The following TMTC1 variants were observed in gnomAD, a reference collection of about 807,000 sequenced individuals.
TMTC1 encodes the protein transmembrane O-mannosyltransferase targeting cadherins 1, also known as protein O-mannosyl-transferase TMTC1.
In TMTC1, 73 loss-of-function variants were observed where a neutral mutation model predicts 104.8. The ratio of observed to expected loss-of-function variants is 0.70; its 90% confidence interval spans 0.58 to 0.85. TMTC1 has a LOEUF of 0.85. Among genes scored for constraint, TMTC1 ranks in the 40% least tolerant of loss-of-function variants. TMTC1 has a pLI of 0.00. For synonymous variants in TMTC1, 434 were observed against 428.7 expected (o/e 1.01, Z -0.15); for missense variants, 1,035 against 1,096.1 (o/e 0.94, Z 0.79).
chr12:29,583,630 C>G (rs1188105118), intron 7 of TMTC1, 56 bp from the exon 8 acceptor site: 3 of 1,471,534 alleles, frequency 2.0e-6, no homozygotes, highest in African/African-American at 2.8e-5. Context: ...AGCTTCCCCC[C>G]AGAATTATCT....
At chr12:29,751,942 T>A in intron 4 of TMTC1, 70 bp from the exon 5 acceptor site, 1 of 1,381,978 alleles carries the variant, frequency 7.2e-7, no homozygotes, top group Non-Finnish European at 9.6e-7. Flanking sequence ...CCGATAGCAG[T>A]AAACTGCCCC....
intron 5 of TMTC1, among the ~76,000 whole-genome samples, chr12:29,654,307 A>C (rs1159464859): frequency 6.6e-6 from 1 of 152,216 alleles, no homozygotes; most frequent in Non-Finnish European, 1.5e-5. Context: ...CGTAGTTCCA[A>C]AGAAGACAGC....
rs1943988393 is a variant in TMTC1, at chr12:29,516,428, A to G, written c.2228T>C (p.Ile743Thr). 6.2e-7 allele frequency: 1 copy of G among 1,613,908 alleles called. No homozygotes were observed. Among genetic ancestry groups the G allele is most frequent in the African/African-American group, 1.3e-5 (1 of 74,920 alleles). ...TKEAEKMTNH[I>T]VSEETGCLEC... ...AAGGCATCCGGTCTCCTCTGACACA[A>G]TGTGATTGGTCATCTTTTCAGCTTC... Residue 743 changes from isoleucine to threonine, a missense_variant, in exon 15 of 18, where the codon ATT becomes ACT. Coordinates refer to ENST00000539277, the MANE Select transcript of TMTC1 (RefSeq NM_001193451.2).
In TMTC1 at chr12:29,572,224, A is replaced by G; in HGVS notation, c.1419-6T>C. On this transcript the variant is annotated splice_region_variant and splice_polypyrimidine_tract_variant and intron_variant, in intron 8 of 17. Transcript: ENST00000539277. ...GCAGAGTTTGAACTCCAGACCTAAA[A>G]TGAATAAATTTTTAAAAAGAATTAT... 4 of 1,599,052 alleles carry G rather than the reference A, an allele frequency of 2.5e-6. No individual in the cohort carries two copies. The highest frequency in any genetic ancestry group is 3.4e-6 in the Non-Finnish European group (4 of 1,166,774).
chr12:29,712,955 G>A (rs1941970565), intron 5 of TMTC1, among the ~76,000 whole-genome samples: 1 of 152,122 alleles, frequency 6.6e-6, no homozygotes, highest in Admixed American at 6.5e-5. Flanking sequence ...TCAAACACCA[G>A]GCTAGACGTT....
chr12:29,769,695 C>G (rs1167542383), intron 1 of TMTC1, among the ~76,000 whole-genome samples: 2 of 152,126 alleles, frequency 1.3e-5, no homozygotes, highest in Admixed American at 1.3e-4. Context: ...GCTGAGCTTT[C>G]CACACTAAAC....
intron 5 of TMTC1, among the ~76,000 whole-genome samples, chr12:29,734,595 T>C (rs1201973568): frequency 6.6e-6 from 1 of 152,188 alleles, no homozygotes; most frequent in Admixed American, 6.5e-5. Context: ...ACATATAGAA[T>C]CATATTTTTA....
At chr12:29,750,127 A>G (rs1943054985) in intron 5 of TMTC1, among the ~76,000 whole-genome samples, 1 of 151,544 alleles carries the variant, frequency 6.6e-6, no homozygotes, top group Non-Finnish European at 1.5e-5. Context: ...CCCTCAGAAT[A>G]AAATCCAAAC....
rs1039600556 is a variant in TMTC1 at position 29,556,883 on chromosome 12, A to T, written c.1650T>A (p.Ala550=). 2 of 1,614,166 alleles carry T rather than the reference A, an allele frequency of 1.2e-6. No individual in the cohort carries two copies. Among genetic ancestry groups the T allele is most frequent in the Non-Finnish European group, 8.5e-7 (1 of 1,180,016 alleles). Residue 550 remains alanine (A), a synonymous_variant, in exon 10 of 18, where the codon GCT becomes GCA. Transcript: ENST00000539277. ...ALQLHPQHNR[A]LFNLGNLLKS... ...TGAGGAGATTCCCCAGATTGAAAAG[A>T]GCCCGGTTATGCTGTGGATGGAGCT... is the stretch of plus-strand genomic sequence containing the variant.
Position 29,767,955 on chromosome 12 carries a change from A to C in TMTC1, c.423T>G (p.Arg141=). 6.2e-7 allele frequency: 1 copy of C among 1,613,996 alleles called. No homozygotes were observed. Among genetic ancestry groups the C allele is most frequent in the South Asian group, 1.1e-5 (1 of 91,082 alleles). The part of the protein sequence containing the change: ...YTCDKTVFKN[R]GLAFVTALLF... ...GCAATGCCGTTACAAAAGCAAGTCC[A>C]CGATTCTTGAAGACAGTTTTATCAC... The change falls in exon 2 of 18, where the codon CGT becomes CGG. Residue 141 remains arginine (R), a synonymous_variant. Coordinates refer to ENST00000539277, the MANE Select transcript of TMTC1 (RefSeq NM_001193451.2).
rs975040199 is a variant in TMTC1, at chr12:29,557,153, C to T, written c.1533-153G>A. ...GTTTGTGTCCAATCTTACTGGTCAACGACTTTTGCAGCTGAAAGTATATAA... is the reference window on the plus strand; with the variant it reads ...GTTTGTGTCCAATCTTACTGGTCAATGACTTTTGCAGCTGAAAGTATATAA... On this transcript the variant is annotated intron_variant, in intron 9 of 17. Coordinates refer to ENST00000539277, the MANE Select transcript of TMTC1 (RefSeq NM_001193451.2). 5.3e-5 allele frequency among the ~76,000 whole-genome samples: 8 copies of T among 152,142 alleles called. No individual in the cohort carries two copies. The South Asian group carries it at 8.3e-4, about 16-fold the overall frequency.
chr12:29,746,114 G>T (rs998766676), intron 5 of TMTC1, among the ~76,000 whole-genome samples: 19 of 152,102 alleles, frequency 1.2e-4, no homozygotes, highest in Non-Finnish European at 2.4e-4. Flanking sequence ...CATCACTGAG[G>T]TTTATATTTT....
intron 1 of TMTC1, among the ~76,000 whole-genome samples, chr12:29,777,687 G>A (rs1943743749): frequency 6.6e-6 from 1 of 151,852 alleles, no homozygotes; most frequent in Admixed American, 6.6e-5. Flanking sequence ...CCTTAGGGTG[G>A]CATAAAATTT....
intron 5 of TMTC1, among the ~76,000 whole-genome samples, chr12:29,646,766 C>T (rs535052294): frequency 2.6e-5 from 4 of 152,274 alleles, no homozygotes; most frequent in East Asian, 3.9e-4. Flanking sequence ...GGGGCAGCAT[C>T]CCCGGCAGAG....
intron 6 of TMTC1, among the ~76,000 whole-genome samples, chr12:29,606,568 T>A (rs1946704740): frequency 1.3e-5 from 2 of 152,338 alleles, no homozygotes; most frequent in African/African-American, 2.4e-5. Flanking sequence ...GCTAAAATAC[T>A]TTTTTACAAA....
rs139514776 is a variant in TMTC1 at position 29,744,790 on chromosome 12, C to T, written c.938+6876G>A. Reference sequence around the variant, plus strand: ...GCTACTTTAATGAGACCTGGGAAACCAGCTTGAGTAAGTAACCCACCAAAG... The same window carrying T: ...GCTACTTTAATGAGACCTGGGAAACTAGCTTGAGTAAGTAACCCACCAAAG... On this transcript the variant is annotated intron_variant, in intron 5 of 17. Transcript: ENST00000539277. 2.5e-3 allele frequency among the ~76,000 whole-genome samples: 379 copies of T among 152,276 alleles called. 2 individuals are homozygous for T. The highest frequency in any genetic ancestry group is 7.6e-3 in the African/African-American group (317 of 41,552).
chr12:29,566,789 G>A (rs890872037), intron 9 of TMTC1, among the ~76,000 whole-genome samples: 1 of 152,166 alleles, frequency 6.6e-6, no homozygotes, highest in African/African-American at 2.4e-5. Context: ...AACCCTATGA[G>A]GTAGGCAGCA....
chr12:29,633,240 C>G lies in TMTC1; in HGVS notation c.1035G>C (p.Leu345=). The change falls in exon 6 of 18, where the codon CTG becomes CTC. Residue 345 remains leucine, a synonymous_variant. Transcript: ENST00000539277. ...TCCGCATGTCCCATATGGTCTCTAC[C>G]AGAGGAATACTGCCGACCTGCCAGT... ...CYDWQVGSIP[L]VETIWDMRNL... The G allele has an allele frequency of 6.2e-7, 1 of 1,613,980 alleles. No individual in the cohort carries two copies. The highest frequency in any genetic ancestry group is 8.5e-7 in the Non-Finnish European group (1 of 1,179,978).
intron 7 of TMTC1, among the ~76,000 whole-genome samples, chr12:29,598,962 T>C (rs1946483262): frequency 6.6e-6 from 1 of 152,242 alleles, no homozygotes; most frequent in African/African-American, 2.4e-5. Flanking sequence ...CAAAATATTG[T>C]TTCTGCCCTC....
Sources: gnomAD v4.1 joint callset for allele counts (sites outside exome capture counted in the v4.1 genomes callset) on GRCh38, gnomAD v4.1.1 for gene constraint, MANE v1.5 for transcripts, NCBI Gene and HGNC (gene_info 2026-07-23, HGNC 2026-07-21) for gene names.